The following TSPEAR variants were observed in gnomAD, a reference collection of about 807,000 sequenced individuals.
TSPEAR encodes thrombospondin-type laminin G domain and EAR repeat-containing protein.
In TSPEAR, 69 loss-of-function variants were observed where a neutral mutation model predicts 71.6. The ratio of observed to expected loss-of-function variants is 0.96; its 90% CI spans 0.79 to 1.18. The LOEUF (loss-of-function observed/expected upper bound fraction) is 1.18. Ranked by LOEUF, TSPEAR falls within the 50% of genes most tolerant of loss-of-function variation. The probability of loss-of-function intolerance (pLI) is 0.00; values close to 1 mark genes in which losing one functional copy is unlikely to be tolerated. For synonymous variants in TSPEAR, 402 were observed against 387.2 expected (o/e 1.04, Z -0.45); for missense variants, 971 against 894.9 (o/e 1.09, Z -1.09).
At chr21:44,637,631 A>C (rs4818947) in intron 1 of TSPEAR, 1,183,893 of 1,613,434 alleles carry the variant, frequency 0.73, 435,960 homozygotes, top group African/African-American at 0.86. Context: ...CTCCTGCACA[A>C]CCCCATGCTA....
intron 1 of TSPEAR, among the ~76,000 whole-genome samples, chr21:44,629,241 G>A (rs1983108087): frequency 6.6e-6 from 1 of 152,234 alleles, no homozygotes; most frequent in Non-Finnish European, 1.5e-5. Context: ...CCCCACACCT[G>A]AGAGGAGCTG....
At chr21:44,622,103 A>G (rs1301575530) in intron 1 of TSPEAR, among the ~76,000 whole-genome samples, 1 of 152,348 alleles carries the variant, frequency 6.6e-6, no homozygotes. Context: ...TACAGATGGC[A>G]AATAAATACA....
intron 1 of TSPEAR, among the ~76,000 whole-genome samples, chr21:44,671,175 C>A (rs1013918529): frequency 2.0e-5 from 3 of 152,250 alleles, no homozygotes; most frequent in Admixed American, 1.3e-4. Context: ...CGCTCACTTG[C>A]ATGTGCCACC....
intron 1 of TSPEAR, among the ~76,000 whole-genome samples, chr21:44,614,636 G>A (rs587655140): frequency 2.6e-5 from 4 of 152,298 alleles, no homozygotes; most frequent in African/African-American, 9.6e-5. Flanking sequence ...TGGGCTGGGG[G>A]GACCATCACC....
At chr21:44,634,176 G>T (rs1389443577) in intron 1 of TSPEAR, among the ~76,000 whole-genome samples, 1 of 152,132 alleles carries the variant, frequency 6.6e-6, no homozygotes, top group African/African-American at 2.4e-5. Context: ...TTAAGTCCAG[G>T]AGTTTGAGGC....
In TSPEAR at chr21:44,710,415, C is replaced by A. The variant is rs1161549572; in HGVS notation, c.82+1018G>T. On this transcript the variant is annotated intron_variant, in intron 1 of 11. Transcript: ENST00000323084. The surrounding 1 kb of genome is among the most constrained non-coding windows in gnomAD (Gnocchi z 4.6). Reference sequence around the variant, plus strand: ...CTGGGTGGGCAGGCACGTTTATGACCCCCACCCCCACCCCCACCCCCCACG... The same window carrying A: ...CTGGGTGGGCAGGCACGTTTATGACACCCACCCCCACCCCCACCCCCCACG... 1.5e-5 allele frequency among the ~76,000 whole-genome samples: 2 copies of A among 130,940 alleles called. No individual in the cohort carries two copies. Among genetic ancestry groups the A allele is most frequent in the Non-Finnish European group, 3.0e-5 (2 of 66,290 alleles). The allele number at this position is 130,940 out of a possible 152,430, so 85.9% of individuals were successfully genotyped here.
In TSPEAR at chr21:44,539,961, G is replaced by A. The variant is rs2053184606; in HGVS notation, c.304-6038C>T. ...GTGCAGCCTGATTGGCAGGGGCTGG[G>A]CTCACAGGCTGCCTGGCAGCAGGGG... On this transcript the variant is annotated intron_variant, in intron 2 of 11. Coordinates refer to ENST00000323084, the MANE Select transcript of TSPEAR (RefSeq NM_144991.3). The A allele has an allele frequency of 6.8e-6, 11 of 1,613,232 alleles. No homozygotes were observed. In the African/African-American group the frequency reaches 1.3e-4, roughly 20 times the overall value.
Position 44,695,393 on chromosome 21 carries a change from A to G in TSPEAR, c.82+16040T>C, listed in dbSNP as rs1156600923. Among the ~76,000 whole-genome samples the G allele has an allele frequency of 5.3e-5, 8 of 152,222 alleles. No homozygotes were observed. The highest frequency in any genetic ancestry group is 1.2e-4 in the African/African-American group (5 of 41,526). ...CTACTGAGAGGTCGGGGGTCGGGTC[A>G]TGACACACAGCAGGAAATGAATGCA... On this transcript the variant is annotated intron_variant, in intron 1 of 11. Transcript: ENST00000323084. The surrounding 1 kb of genome is among the most constrained non-coding windows in gnomAD (Gnocchi z 4.5).
Position 44,681,880 on chromosome 21 carries a change from T to C in TSPEAR, c.82+29553A>G, listed in dbSNP as rs1555948037. On this transcript the variant is annotated intron_variant, in intron 1 of 11. Transcript: ENST00000323084. ...CAGGAGATGGGTCTGCAGAGGACGC[T>C]GGTGCAGGAAGGCTGGCAGCACCCA... is the stretch of plus-strand genomic sequence containing the variant. 4 of 1,614,038 alleles carry C rather than the reference T, an allele frequency of 2.5e-6. No homozygotes were observed. In the South Asian group the frequency reaches 4.4e-5, roughly 18 times the overall value.
intron 1 of TSPEAR, chr21:44,666,740 G>A: frequency 3.7e-6 from 6 of 1,614,192 alleles, no homozygotes; most frequent in South Asian, 1.1e-5. Flanking sequence ...CTGGCTTGAA[G>A]CTCACGGGCA....
chr21:44,570,758 C>T (rs1555922419), intron 1 of TSPEAR, among the ~76,000 whole-genome samples: 1 of 152,160 alleles, frequency 6.6e-6, no homozygotes, highest in Non-Finnish European at 1.5e-5. Flanking sequence ...TAAACCCAAG[C>T]TGGTTCTTTG....
At chr21:44,610,440 G>A (rs587711582) in intron 1 of TSPEAR, among the ~76,000 whole-genome samples, 31 of 152,368 alleles carry the variant, frequency 2.0e-4, no homozygotes, top group East Asian at 1.2e-3. Flanking sequence ...TCCATGTTGC[G>A]TTGAGCCTGC....
Position 44,675,809 on chromosome 21 carries a change from A to C in TSPEAR, c.82+35624T>G, listed in dbSNP as rs1168138008. ...CTGGGACCCTTGCGGCAAACCCTTC[A>C]TGTATCACTGCTGATTTCCTTGACA... On this transcript the variant is annotated intron_variant, in intron 1 of 11. Coordinates refer to ENST00000323084, the MANE Select transcript of TSPEAR (RefSeq NM_144991.3). The C allele has an allele frequency of 4.0e-5, 23 of 574,708 alleles. No individual in the cohort carries two copies. The South Asian group carries it at 4.4e-4, about 11-fold the overall frequency. The allele number at this position is 574,708 out of a possible 1,614,324, so 35.6% of individuals were successfully genotyped here. A position where few individuals can be genotyped will look rare whatever the true frequency, so the allele number is the denominator to read the frequency against.
At chr21:44,501,398 A>C (rs1295064830) in intron 11 of TSPEAR, among the ~76,000 whole-genome samples, 3 of 152,206 alleles carry the variant, frequency 2.0e-5, no homozygotes, top group Admixed American at 2.0e-4. Flanking sequence ...GATCGAGACC[A>C]TCCTGGCTAA....
chr21:44,602,695 C>T (rs1219733832), intron 1 of TSPEAR, among the ~76,000 whole-genome samples: 4 of 152,202 alleles, frequency 2.6e-5, no homozygotes, highest in Non-Finnish European at 2.9e-5. Flanking sequence ...GACCAGTCCC[C>T]GGGTACATCA....
intron 1 of TSPEAR, chr21:44,627,622 T>C (rs782297413): frequency 1.2e-6 from 2 of 1,612,920 alleles, no homozygotes; most frequent in Admixed American, 3.3e-5. Flanking sequence ...ACCTGTGTGC[T>C]GTGCGCCCAC....
At chr21:44,504,464 C>T (rs2052146840) in intron 11 of TSPEAR, among the ~76,000 whole-genome samples, 1 of 143,298 alleles carries the variant, frequency 7.0e-6, no homozygotes, top group Non-Finnish European at 1.5e-5. Flanking sequence ...GGAAGCAAGG[C>T]TCTTGGAGGA....
intron 1 of TSPEAR, among the ~76,000 whole-genome samples, chr21:44,681,168 G>T (rs546973650): frequency 6.6e-6 from 1 of 152,208 alleles, no homozygotes; most frequent in African/African-American, 2.4e-5. Flanking sequence ...TCAGTGATGG[G>T]AGTGTGTGCT....
Position 44,536,625 on chromosome 21 carries a change from C to T in TSPEAR, c.304-2702G>A, listed in dbSNP as rs587645976. 3.6e-4 allele frequency among the ~76,000 whole-genome samples: 55 copies of T among 152,304 alleles called. 2 individuals are homozygous for T. The South Asian group carries it at 0.011, about 32-fold the overall frequency. ...ACCTTTGACGCTTTCTCATGAAAGT[C>T]AGGAACAATCAAGGATTCTTTTAAT... On this transcript the variant is annotated intron_variant, in intron 2 of 11. Transcript: ENST00000323084.
Sources: gnomAD v4.1 joint callset for allele counts (sites outside exome capture counted in the v4.1 genomes callset) on GRCh38, gnomAD v4.1.1 for gene constraint, Gnocchi (gnomAD v3.1) non-coding constraint, MANE v1.5 for transcripts, NCBI Gene and HGNC (gene_info 2026-07-23, HGNC 2026-07-21) for gene names.